Variants in SGCZ observed in about 807,000 individuals in gnomAD.
The protein encoded by SGCZ is zeta-sarcoglycan.
A neutral mutation model predicts 41.3 loss-of-function variants in SGCZ; 40 were observed. The ratio of observed to expected loss-of-function variants is 0.97; its 90% confidence interval spans 0.75 to 1.26. The LOEUF is 1.26. Among genes scored for constraint, SGCZ ranks in the 50% most tolerant of loss-of-function variants. SGCZ has a pLI of 0.00. For synonymous variants in SGCZ, 206 were observed against 137.5 expected, an observed-to-expected ratio of 1.50 and a Z score of -3.49; for missense variants, 552 against 369.8, an observed-to-expected ratio of 1.49 and a Z score of -4.04.
Position 14,603,738 on chromosome 8 carries a change from A to G in SGCZ, c.40-48812T>C, listed in dbSNP as rs1805663459. 2.0e-5 allele frequency among the ~76,000 whole-genome samples: 3 copies of G among 152,164 alleles called. No individual in the cohort carries two copies. In the South Asian group the frequency reaches 6.2e-4, roughly 32 times the overall value. On this transcript the variant is annotated intron_variant, in intron 1 of 7. Coordinates refer to ENST00000382080, the MANE Select transcript of SGCZ (RefSeq NM_139167.4). ...GTTGTTAATTTTTCACAGGCTTTCA[A>G]GTAAAATAAAGTTGCTGCTTTCTCC... is the stretch of plus-strand genomic sequence containing the variant.
intron 1 of SGCZ, among the ~76,000 whole-genome samples, chr8:14,809,137 A>C (rs113157149): frequency 6.6e-6 from 1 of 151,858 alleles, no homozygotes; most frequent in African/African-American, 2.4e-5. Context: ...GCTAGATGAC[A>C]AGTTAGTGGG....
At chr8:14,346,016 T>C (rs1802880549) in intron 2 of SGCZ, among the ~76,000 whole-genome samples, 1 of 152,088 alleles carries the variant, frequency 6.6e-6, no homozygotes, top group East Asian at 1.9e-4. Context: ...TACATGTCAT[T>C]GTATATTTGT....
chr8:14,922,930 T>G (rs947854727), intron 1 of SGCZ, among the ~76,000 whole-genome samples: 1 of 152,226 alleles, frequency 6.6e-6, no homozygotes, highest in African/African-American at 2.4e-5. Context: ...GAGGAAGACA[T>G]TTTCTCATAA....
At chr8:14,209,584 T>G (rs1805731816) in intron 4 of SGCZ, among the ~76,000 whole-genome samples, 1 of 152,216 alleles carries the variant, frequency 6.6e-6, no homozygotes, top group South Asian at 2.1e-4. Context: ...AATTATGTTT[T>G]CGAAGAATAT....
At chr8:14,739,095 G>C (rs1799128647) in intron 1 of SGCZ, among the ~76,000 whole-genome samples, 1 of 151,978 alleles carries the variant, frequency 6.6e-6, no homozygotes, top group Non-Finnish European at 1.5e-5. Flanking sequence ...CCTATATGTT[G>C]TTAATTACTA....
At chr8:15,178,550 T>A (rs1398743922) in intron 1 of SGCZ, among the ~76,000 whole-genome samples, 2 of 152,236 alleles carry the variant, frequency 1.3e-5, no homozygotes, top group Non-Finnish European at 2.9e-5. Context: ...TCTTTGTTTA[T>A]TGTATAATAA....
chr8:14,764,346 T>C (rs949612077), intron 1 of SGCZ, among the ~76,000 whole-genome samples: 1 of 152,218 alleles, frequency 6.6e-6, no homozygotes, highest in African/African-American at 2.4e-5. Context: ...TAGAAATTAC[T>C]TCTGAATTGC....
chr8:14,621,578 C>T (rs1442861827), intron 1 of SGCZ, among the ~76,000 whole-genome samples: 3 of 152,134 alleles, frequency 2.0e-5, no homozygotes, highest in South Asian at 2.1e-4. Context: ...GAAGCATGAC[C>T]GGAACGCCTC....
intron 5 of SGCZ, among the ~76,000 whole-genome samples, chr8:14,142,493 G>A (rs115815888): frequency 2.6e-3 from 403 of 152,162 alleles, no homozygotes; most frequent in African/African-American, 9.4e-3. Context: ...GGCCCATTTA[G>A]GCACTTTATG....
At chr8:15,155,232 T>C (rs1054413475) in intron 1 of SGCZ, among the ~76,000 whole-genome samples, 1 of 152,050 alleles carries the variant, frequency 6.6e-6, no homozygotes, top group South Asian at 2.1e-4. Context: ...GAGGCAGAGG[T>C]TGCAGTGAGC....
At chr8:14,335,069 T>C (rs893728395) in intron 2 of SGCZ, among the ~76,000 whole-genome samples, 2 of 152,240 alleles carry the variant, frequency 1.3e-5, no homozygotes, top group Middle Eastern at 3.4e-3. Context: ...GATGAGCAAG[T>C]TGACTCTCCT....
intron 1 of SGCZ, among the ~76,000 whole-genome samples, chr8:14,837,833 A>G (rs1342395348): frequency 2.0e-5 from 3 of 152,148 alleles, no homozygotes; most frequent in Non-Finnish European, 4.4e-5. Context: ...TAGGGAGTGC[A>G]TGTGATATTT....
chr8:14,373,148 T>C (rs1803971639), intron 2 of SGCZ, among the ~76,000 whole-genome samples: 1 of 152,120 alleles, frequency 6.6e-6, no homozygotes, highest in South Asian at 2.1e-4. Flanking sequence ...AATCATATTC[T>C]AGAGGTTAGT....
At chr8:14,479,556 C>T (rs1801463849) in intron 2 of SGCZ, among the ~76,000 whole-genome samples, 1 of 152,048 alleles carries the variant, frequency 6.6e-6, no homozygotes. Context: ...TTAACCATCA[C>T]ACCTGTTATC....
rs144344720 is a variant in SGCZ at position 14,413,060 on chromosome 8, T to G, written c.235-88856A>C. ...AAGACAAAAATTTTAAGAATTGTTATGCTTTGCATAAAGATCAATGCATTA... is the reference window on the plus strand; with the variant it reads ...AAGACAAAAATTTTAAGAATTGTTAGGCTTTGCATAAAGATCAATGCATTA... On this transcript the variant is annotated intron_variant, in intron 2 of 7. Coordinates refer to ENST00000382080, the MANE Select transcript of SGCZ (RefSeq NM_139167.4). Among the ~76,000 whole-genome samples the G allele has an allele frequency of 7.3e-3, 1,106 of 152,164 alleles. 7 individuals are homozygous for G. Among genetic ancestry groups the G allele is most frequent in the African/African-American group, 0.025 (1,033 of 41,550 alleles).
chr8:14,506,536 C>A (rs2117063948), intron 2 of SGCZ, among the ~76,000 whole-genome samples: 1 of 152,266 alleles, frequency 6.6e-6, no homozygotes, highest in East Asian at 1.9e-4. Context: ...ATTCCACATC[C>A]CTTTTCATGT....
chr8:14,463,181 C>A (rs1016672473), intron 2 of SGCZ, among the ~76,000 whole-genome samples: 1 of 151,068 alleles, frequency 6.6e-6, no homozygotes, highest in Admixed American at 6.6e-5. Flanking sequence ...TTACATATTT[C>A]TCTGGTTAGA....
chr8:15,142,483 G>C (rs182321574), intron 1 of SGCZ, among the ~76,000 whole-genome samples: 20 of 152,196 alleles, frequency 1.3e-4, no homozygotes, highest in African/African-American at 4.1e-4. Context: ...AAGATGTGAA[G>C]CTAAAGTAGA....
chr8:14,190,014 C>CTTTCTTTTTTT (rs757923069), intron 4 of SGCZ, among the ~76,000 whole-genome samples: 2 of 100,202 alleles, frequency 2.0e-5, no homozygotes, highest in African/African-American at 7.1e-5. Context: ...TTCTTTCTTT[C>CTTTCTTTTTTT]TTTTTTTTTT....
Sources: allele counts gnomAD v4.1 joint callset (sites outside exome capture counted in the v4.1 genomes callset), GRCh38; gene constraint gnomAD v4.1.1; transcripts MANE v1.5; gene names NCBI Gene and HGNC (gene_info 2026-07-23, HGNC 2026-07-21).